ST7: variants seen among roughly 807,000 people sequenced by gnomAD.
The protein encoded by ST7 is suppressor of tumorigenicity 7 protein.
In ST7, 28 loss-of-function variants were observed where a neutral mutation model predicts 78.7. The ratio of observed to expected loss-of-function variants is 0.36; its 90% CI spans 0.26 to 0.49. ST7 has a LOEUF of 0.49. ST7 is among the 20% of genes least tolerant of loss of function. The pLI is 0.99. For synonymous variants in ST7, 247 were observed against 249.6 expected (o/e 0.99, Z 0.10); for missense variants, 418 against 696.0 (o/e 0.60, Z 4.49).
chr7:117,151,096 G>A (rs963777924), intron 9 of ST7, among the ~76,000 whole-genome samples: 2 of 152,148 alleles, frequency 1.3e-5, no homozygotes, highest in African/African-American at 4.8e-5. Context: ...CTATGCAGTC[G>A]GTCTCCAGAC....
At chr7:117,177,829 C>T (rs1255875866) in intron 10 of ST7, among the ~76,000 whole-genome samples, 1 of 152,126 alleles carries the variant, frequency 6.6e-6, no homozygotes, top group Middle Eastern at 3.2e-3. Context: ...CTGGGATCAA[C>T]AGTAACAAAA....
chr7:116,953,816 C>G lies in ST7; in HGVS notation c.151+125C>G, dbSNP rs1387014546. The G allele has an allele frequency of 1.4e-5, 8 of 563,438 alleles. No individual in the cohort carries two copies. The East Asian group carries it at 4.8e-4, about 34-fold the overall frequency. 34.9% of individuals were successfully genotyped at this position (563,438 alleles called of 1,614,324 possible). On this transcript the variant is annotated intron_variant, in intron 1 of 15. Transcript: ENST00000323984. ...GCGCCGGGGCCCGCGCACCGGAGGC[C>G]CGCGGCTACCCGCCAGCAACGCGGC...
intron 10 of ST7, among the ~76,000 whole-genome samples, chr7:117,184,394 C>T (rs191065833): frequency 2.3e-4 from 35 of 152,310 alleles, no homozygotes; most frequent in Non-Finnish European, 3.4e-4. Flanking sequence ...ATCAAACTAA[C>T]TTAGAATGAT....
intron 10 of ST7, among the ~76,000 whole-genome samples, chr7:117,185,668 G>A (rs951208974): frequency 5.3e-5 from 8 of 152,212 alleles, no homozygotes; most frequent in Non-Finnish European, 7.3e-5. Context: ...GCTCGCGCCT[G>A]TAATCCCAGC....
At chr7:116,980,916 C>A (rs1793930448) in intron 1 of ST7, among the ~76,000 whole-genome samples, 1 of 152,184 alleles carries the variant, frequency 6.6e-6, no homozygotes, top group Non-Finnish European at 1.5e-5. Flanking sequence ...CCAATGGTTA[C>A]AATATGCTTT....
rs142783860 is a variant in ST7, at chr7:117,197,738, A to G, written c.1254+6802A>G. On this transcript the variant is annotated intron_variant, in intron 12 of 15. Transcript: ENST00000323984. Reference sequence around the variant, plus strand: ...TGTATTTATTCCTTTCTGAATTGTGAGGCAAAACATTATAACAACAGAGCA... The same window carrying G: ...TGTATTTATTCCTTTCTGAATTGTGGGGCAAAACATTATAACAACAGAGCA... Among the ~76,000 whole-genome samples, 507 of 152,320 alleles carry G rather than the reference A, an allele frequency of 3.3e-3. 3 individuals carry two copies. Among genetic ancestry groups the G allele is most frequent in the African/African-American group, 0.012 (481 of 41,572 alleles).
chr7:116,972,696 A>G (rs1360086997), intron 1 of ST7: 27 of 960,154 alleles, frequency 2.8e-5, no homozygotes, highest in Non-Finnish European at 4.2e-5. Flanking sequence ...TTTGCAGGGC[A>G]GTGGCTGGGC....
intron 10 of ST7, among the ~76,000 whole-genome samples, chr7:117,187,030 C>T (rs1012559165): frequency 6.6e-6 from 1 of 152,094 alleles, no homozygotes; most frequent in African/African-American, 2.4e-5. Flanking sequence ...AAATTGTAAA[C>T]CAAAACCTAT....
intron 1 of ST7, among the ~76,000 whole-genome samples, chr7:117,005,769 A>G (rs1428509048): frequency 6.6e-6 from 1 of 152,252 alleles, no homozygotes; most frequent in Non-Finnish European, 1.5e-5. Context: ...AATTGAATTC[A>G]GAAGATAGAG....
At chr7:117,003,004 A>G (rs1795008975) in intron 1 of ST7, among the ~76,000 whole-genome samples, 1 of 151,164 alleles carries the variant, frequency 6.6e-6, no homozygotes, top group Non-Finnish European at 1.5e-5. Flanking sequence ...TTGTATTTTT[A>G]GTAGAGACAG....
chr7:117,086,244 C>G (rs1800136003), intron 1 of ST7, among the ~76,000 whole-genome samples: 1 of 152,166 alleles, frequency 6.6e-6, no homozygotes, highest in South Asian at 2.1e-4. Flanking sequence ...GGTTGGCCTT[C>G]CAGTGGTAAT....
At chr7:117,196,624 C>CTTTTT (rs56133709) in intron 12 of ST7, among the ~76,000 whole-genome samples, 1 of 59,502 alleles carries the variant, frequency 1.7e-5, no homozygotes, top group Non-Finnish European at 3.0e-5. Flanking sequence ...GATTGTTGGG[C>CTTTTT]TTTTTTTTTT....
intron 1 of ST7, among the ~76,000 whole-genome samples, chr7:116,983,649 G>A (rs1208043036): frequency 1.3e-5 from 2 of 151,976 alleles, no homozygotes; most frequent in African/African-American, 2.4e-5. Flanking sequence ...CAGGGCTGCC[G>A]CATGCATCGA....
intron 6 of ST7, among the ~76,000 whole-genome samples, chr7:117,133,829 G>A (rs2117037944): frequency 6.6e-6 from 1 of 151,732 alleles, no homozygotes; most frequent in South Asian, 2.1e-4. Context: ...TTAAAAATCT[G>A]ACCTGGGAGA....
intron 3 of ST7, among the ~76,000 whole-genome samples, chr7:117,124,151 T>TA (rs1803632021): frequency 6.6e-6 from 1 of 151,536 alleles, no homozygotes; most frequent in Non-Finnish European, 1.5e-5. Context: ...TTAGGTAGAG[T>TA]AAAAAAAATA....
At chr7:117,166,149 A>G (rs1474194560) in intron 9 of ST7, among the ~76,000 whole-genome samples, 1 of 152,228 alleles carries the variant, frequency 6.6e-6, no homozygotes, top group Non-Finnish European at 1.5e-5. Flanking sequence ...ATCAACTAGA[A>G]ATAACTGCTG....
intron 1 of ST7, among the ~76,000 whole-genome samples, chr7:116,974,948 A>G (rs911273442): frequency 6.6e-6 from 1 of 152,204 alleles, no homozygotes; most frequent in Non-Finnish European, 1.5e-5. Flanking sequence ...CACCCTAAGC[A>G]CCTTGCTTGC....
intron 2 of ST7, among the ~76,000 whole-genome samples, chr7:117,119,009 C>G (rs747162916): frequency 6.6e-6 from 1 of 152,192 alleles, no homozygotes; most frequent in East Asian, 1.9e-4. Flanking sequence ...TGGCTGGGTG[C>G]TATCCATGTG....
At chr7:116,959,061 G>C in intron 1 of ST7, 1 of 415,866 alleles carries the variant, frequency 2.4e-6, no homozygotes, top group South Asian at 1.8e-5. Context: ...ACCCACAGTA[G>C]GACTTTCAGA....
Sources: gnomAD v4.1 joint callset for allele counts (sites outside exome capture counted in the v4.1 genomes callset) on GRCh38, gnomAD v4.1.1 for gene constraint, MANE v1.5 for transcripts, NCBI Gene and HGNC (gene_info 2026-07-23, HGNC 2026-07-21) for gene names.